SLC36A1: variants seen among roughly 807,000 people sequenced by gnomAD.
The protein encoded by SLC36A1 is solute carrier family 36 member 1, also known as proton-coupled amino acid transporter 1.
Under a neutral mutation model 47.5 loss-of-function variants are expected in SLC36A1, and 30 were observed. The ratio of observed to expected loss-of-function variants is 0.63; its 90% CI spans 0.47 to 0.86. The LOEUF (loss-of-function observed/expected upper bound fraction) is 0.86, where lower values mean the gene tolerates loss of function less well. SLC36A1 is among the 40% of genes least tolerant of loss of function. The probability of loss-of-function intolerance (pLI) is 0.00; values close to 1 mark genes in which losing one functional copy is unlikely to be tolerated. For missense variants in SLC36A1, 517 were observed against 606.0 expected, an observed-to-expected ratio of 0.85 and a Z score of 1.54; for synonymous variants, 255 against 249.7, an observed-to-expected ratio of 1.02 and a Z score of -0.20.
the SLC36A1 span, chr5:151,545,369 G>A: frequency 6.2e-7 from 1 of 1,614,150 alleles, no homozygotes; most frequent in South Asian, 1.1e-5. Flanking sequence ...CCAGTGACAG[G>A]ATGGATGGTA....
the SLC36A1 span, among the ~76,000 whole-genome samples, chr5:151,416,546 A>T: frequency 3.6e-4 from 55 of 152,362 alleles, no homozygotes; most frequent in African/African-American, 1.3e-3. Flanking sequence ...TGAGAGCAGT[A>T]TCAAAGAAAT....
At chr5:151,467,312 AAAAAAAAAC>A (rs1381289329) in intron 6 of SLC36A1, 29 bp downstream of exon 6, 28 of 1,407,572 alleles carry the variant, frequency 2.0e-5, no homozygotes, top group Non-Finnish European at 2.7e-5. Flanking sequence ...AAGAAAAAAA[AAAAAAAAAC>A]CAGAGCGAGA....
intron 5 of SLC36A1, among the ~76,000 whole-genome samples, chr5:151,465,488 C>G (rs144850743): frequency 8.5e-5 from 13 of 152,298 alleles, no homozygotes; most frequent in East Asian, 7.7e-4. Flanking sequence ...TATTTAAGCA[C>G]TATCTTATAA....
chr5:151,445,228 A>G (rs1430896526), upstream of SLC36A1, among the ~76,000 whole-genome samples: 7 of 152,216 alleles, frequency 4.6e-5, no homozygotes, highest in Non-Finnish European at 8.8e-5. Flanking sequence ...TGCCAGGCCA[A>G]TTGAGATAAC....
chr5:151,555,493 C>T, the SLC36A1 span, among the ~76,000 whole-genome samples: 2 of 151,934 alleles, frequency 1.3e-5, no homozygotes, highest in South Asian at 4.2e-4. Flanking sequence ...CCTCAGCCTC[C>T]CCGGTAGCTG....
intron 5 of SLC36A1, 70 bp downstream of exon 5, chr5:151,465,239 G>T: frequency 8.6e-7 from 1 of 1,162,160 alleles, no homozygotes. Context: ...GAGGTGCAAC[G>T]TGGGAGACAG....
the SLC36A1 span, among the ~76,000 whole-genome samples, chr5:151,358,831 G>T: frequency 3.3e-5 from 5 of 151,644 alleles, no homozygotes; most frequent in African/African-American, 1.2e-4. Flanking sequence ...AAAATTAGCC[G>T]GGCGCGGTGG....
At chr5:151,459,112 C>A (rs112062385) in intron 2 of SLC36A1, among the ~76,000 whole-genome samples, 177 bp downstream of exon 2, 3 of 152,284 alleles carry the variant, frequency 2.0e-5, no homozygotes, top group African/African-American at 7.2e-5. Context: ...ACTCTCTAGG[C>A]AGTTTCTTAC....
At chr5:151,527,184 G>A in the SLC36A1 span, 1 of 1,539,438 alleles carries the variant, frequency 6.5e-7, no homozygotes, top group Non-Finnish European at 8.8e-7. Context: ...TCTGCTAGAA[G>A]GGAAATGAAG....
chr5:151,387,814 C>T, the SLC36A1 span, among the ~76,000 whole-genome samples: 1 of 152,154 alleles, frequency 6.6e-6, no homozygotes, highest in Non-Finnish European at 1.5e-5. Context: ...TAAACTCTTA[C>T]CTTTTTTCTT....
At chr5:151,531,501 G>T in the SLC36A1 span, 1 of 1,556,422 alleles carries the variant, frequency 6.4e-7, no homozygotes, top group Non-Finnish European at 8.7e-7. The surrounding 1 kb of genome is among the most constrained non-coding windows in gnomAD (Gnocchi z 5.7). Context: ...GCGCTGCACA[G>T]GGTAGATACC....
chr5:151,453,426 A>G (rs1020395192), intron 1 of SLC36A1, among the ~76,000 whole-genome samples: 3 of 151,996 alleles, frequency 2.0e-5, no homozygotes, highest in Admixed American at 2.0e-4. Flanking sequence ...TCTAGTGTGC[A>G]CATTTCAATT....
chr5:151,509,445 T>C, the SLC36A1 span: 1 of 152,930 alleles, frequency 6.5e-6, no homozygotes, highest in Non-Finnish European at 1.5e-5. Flanking sequence ...GGAGCCGAGC[T>C]GCACAGCAGG....
chr5:151,454,794 G>T (rs1472701015), intron 1 of SLC36A1, among the ~76,000 whole-genome samples: 1 of 143,040 alleles, frequency 7.0e-6, no homozygotes, highest in Admixed American at 7.3e-5. Context: ...CTCACTGCAA[G>T]CTCCGCCTCC....
At chr5:151,428,869 G>T in the SLC36A1 span, among the ~76,000 whole-genome samples, 1 of 152,222 alleles carries the variant, frequency 6.6e-6, no homozygotes, top group African/African-American at 2.4e-5. Context: ...CTGACTTCAG[G>T]TGATCCGCCC....
the SLC36A1 span, chr5:151,540,545 C>T: frequency 1.3e-5 from 20 of 1,596,540 alleles, no homozygotes; most frequent in East Asian, 4.5e-4. Context: ...ACTACCCACT[C>T]CACCCCTCGC....
chr5:151,550,614 G>C, the SLC36A1 span: 1 of 1,614,032 alleles, frequency 6.2e-7, no homozygotes, highest in African/African-American at 1.3e-5. Flanking sequence ...TGTGCTGGGA[G>C]GGCCCCGAGC....
At chr5:151,524,888 C>A in the SLC36A1 span, among the ~76,000 whole-genome samples, 1 of 152,236 alleles carries the variant, frequency 6.6e-6, no homozygotes, top group African/African-American at 2.4e-5. Flanking sequence ...GGCAGCCTCC[C>A]TCTGAATGTG....
rs1418011087 is a variant in SLC36A1 at position 151,490,002 on chromosome 5, GT to G, written c.*1754del. ...GCTGTGACCCACCCATATGGCCCCA[GT>G]TTTTTCTGTCTCTTCTGTTCCAAAG... On this transcript the variant is annotated 3_prime_UTR_variant, in exon 11 of 11. Transcript: ENST00000243389. 1 of 152,156 alleles carries G rather than the reference GT, an allele frequency of 6.6e-6. No homozygotes were observed. Among genetic ancestry groups the G allele is most frequent in the Non-Finnish European group, 1.5e-5 (1 of 68,038 alleles). 9.4% of individuals were successfully genotyped at this position (152,156 alleles called of 1,614,324 possible).
Sources: gnomAD v4.1 joint callset for allele counts (sites outside exome capture counted in the v4.1 genomes callset) on GRCh38, gnomAD v4.1.1 for gene constraint, Gnocchi (gnomAD v3.1) non-coding constraint, MANE v1.5 for transcripts, NCBI Gene and HGNC (gene_info 2026-07-23, HGNC 2026-07-21) for gene names.